PCSK6: variants seen among roughly 807,000 people sequenced by gnomAD.
PCSK6 encodes paired basic amino acid cleaving enzyme 4.
A neutral mutation model predicts 123.3 loss-of-function variants in PCSK6; 85 were observed. The observed-to-expected ratio is 0.69, with a 90% CI of 0.58 to 0.83. PCSK6 has a LOEUF of 0.83. Among genes scored for constraint, PCSK6 ranks in the 40% least tolerant of loss-of-function variants. PCSK6 has a pLI of 0.00. For synonymous variants in PCSK6, 508 were observed against 516.0 expected, an observed-to-expected ratio of 0.98 and a Z score of 0.21; for missense variants, 1,191 against 1,282.3, an observed-to-expected ratio of 0.93 and a Z score of 1.09.
chr15:101,415,157 T>TTCCTTCTCA, intron 6 of PCSK6, among the ~76,000 whole-genome samples: 5 of 152,242 alleles, frequency 3.3e-5, no homozygotes, highest in Non-Finnish European at 5.9e-5. Flanking sequence ...ATAATCATCA[T>TTCCTTCTCA]GGAAACCAGC....
chr15:101,436,753 G>T (rs1420061796), intron 2 of PCSK6, among the ~76,000 whole-genome samples: 1 of 152,234 alleles, frequency 6.6e-6, no homozygotes, highest in Non-Finnish European at 1.5e-5. Flanking sequence ...TCAACAGTCT[G>T]TGGCGCTTAG....
At chr15:101,481,799 T>C (rs1486982618) in intron 1 of PCSK6, among the ~76,000 whole-genome samples, 3 of 152,320 alleles carry the variant, frequency 2.0e-5, no homozygotes, top group South Asian at 2.1e-4. Context: ...AGCTGATAAA[T>C]GTGCAGCTTG....
intron 1 of PCSK6, among the ~76,000 whole-genome samples, chr15:101,455,327 C>A (rs2057151744): frequency 6.6e-6 from 1 of 152,218 alleles, no homozygotes; most frequent in Non-Finnish European, 1.5e-5. Context: ...CAGTGCTGCC[C>A]AGCTGTTATT....
chr15:101,380,556 T>A (rs1190707423), intron 11 of PCSK6, among the ~76,000 whole-genome samples: 2 of 152,264 alleles, frequency 1.3e-5, no homozygotes, highest in South Asian at 4.1e-4. Flanking sequence ...AAGTCAAGAC[T>A]GAGGCTTGTC....
intron 11 of PCSK6, among the ~76,000 whole-genome samples, chr15:101,376,306 A>C (rs2041740526): frequency 6.6e-6 from 1 of 152,158 alleles, no homozygotes; most frequent in South Asian, 2.1e-4. Context: ...CCCCAAGTGC[A>C]GTGCTGAAAC....
intron 2 of PCSK6, among the ~76,000 whole-genome samples, chr15:101,433,329 G>A (rs1044754831): frequency 6.6e-6 from 1 of 152,168 alleles, no homozygotes; most frequent in Admixed American, 6.5e-5. Flanking sequence ...TTTTCAAGCT[G>A]GAAAAACTTT....
chr15:101,338,027 C>T (rs770183982), intron 13 of PCSK6, among the ~76,000 whole-genome samples: 2 of 152,196 alleles, frequency 1.3e-5, no homozygotes, highest in African/African-American at 2.4e-5. Flanking sequence ...TGATACAACA[C>T]GTTAATGTCT....
At chr15:101,424,693 G>A (rs990746252) in intron 6 of PCSK6, among the ~76,000 whole-genome samples, 2 of 152,250 alleles carry the variant, frequency 1.3e-5, no homozygotes, top group African/African-American at 2.4e-5. Flanking sequence ...GAAATGCACT[G>A]TGGGTTTATA....
chr15:101,347,262 T>C (rs890752794), intron 13 of PCSK6: 3 of 1,232,318 alleles, frequency 2.4e-6, no homozygotes, highest in Non-Finnish European at 3.0e-6. Context: ...ATCTCAACTC[T>C]TATCTTAGAA....
intron 11 of PCSK6, among the ~76,000 whole-genome samples, chr15:101,375,621 T>C (rs1026539785): frequency 5.9e-5 from 9 of 152,208 alleles, no homozygotes; most frequent in African/African-American, 2.2e-4. Flanking sequence ...TGCGGCACTT[T>C]GGTGTCATGT....
intron 6 of PCSK6, among the ~76,000 whole-genome samples, chr15:101,403,165 G>C (rs1052671204): frequency 2.7e-5 from 4 of 149,394 alleles, no homozygotes; most frequent in Non-Finnish European, 5.9e-5. Flanking sequence ...GTAAACTATC[G>C]CAAGGACAAA....
chr15:101,469,938 T>C (rs1258360283), intron 1 of PCSK6, among the ~76,000 whole-genome samples: 1 of 152,220 alleles, frequency 6.6e-6, no homozygotes, highest in Non-Finnish European at 1.5e-5. Flanking sequence ...TTCTCTCTCA[T>C]CCAGTGCTAA....
chr15:101,346,751 G>A (rs974816588), intron 13 of PCSK6: 15 of 1,227,814 alleles, frequency 1.2e-5, no homozygotes, highest in South Asian at 4.2e-5. Flanking sequence ...TCAATGTTTA[G>A]TATTTTATTT....
At chr15:101,441,824 G>A (rs948356245) in intron 2 of PCSK6, among the ~76,000 whole-genome samples, 1 of 152,220 alleles carries the variant, frequency 6.6e-6, no homozygotes, top group African/African-American at 2.4e-5. Flanking sequence ...TTCAGTTGAA[G>A]AATGAGGATG....
chr15:101,347,087 C>T, intron 13 of PCSK6: 1 of 1,231,626 alleles, frequency 8.1e-7, no homozygotes, highest in Non-Finnish European at 1.0e-6. Context: ...AGTTCTTCAG[C>T]TCTGTTTCCA....
intron 13 of PCSK6, among the ~76,000 whole-genome samples, chr15:101,354,847 G>A (rs374462344): frequency 7.2e-5 from 11 of 152,150 alleles, no homozygotes; most frequent in East Asian, 5.8e-4. Context: ...CATAGGCATC[G>A]TGGTCATGTC....
At chr15:101,428,449 C>T (rs184997760) in intron 5 of PCSK6, among the ~76,000 whole-genome samples, 40 of 152,292 alleles carry the variant, frequency 2.6e-4, no homozygotes, top group Admixed American at 2.5e-3. Context: ...CTGCCTCATC[C>T]CCTATGCACC....
At chr15:101,471,827 A>T (rs962284420) in intron 1 of PCSK6, among the ~76,000 whole-genome samples, 3 of 152,118 alleles carry the variant, frequency 2.0e-5, no homozygotes, top group Non-Finnish European at 2.9e-5. Context: ...TGGTTTTGCC[A>T]GTTCTAGAAC....
At chr15:101,321,049 G>T (rs571422545) in intron 18 of PCSK6, among the ~76,000 whole-genome samples, 9 of 152,274 alleles carry the variant, frequency 5.9e-5, no homozygotes, top group African/African-American at 2.2e-4. Flanking sequence ...AAACAGGCAG[G>T]TTCCAGGGAG....
Sources: allele counts gnomAD v4.1 joint callset (sites outside exome capture counted in the v4.1 genomes callset), GRCh38; gene constraint gnomAD v4.1.1; transcripts MANE v1.5; gene names NCBI Gene and HGNC (gene_info 2026-07-23, HGNC 2026-07-21).